NPHP1: variants seen among roughly 807,000 people sequenced by gnomAD.
The protein encoded by NPHP1 is nephrocystin 1, also known as nephrocystin-1.
NPHP1 carries 70 observed loss-of-function variants against 90.4 expected under a neutral mutation model. The ratio of observed to expected loss-of-function variants is 0.77; its 90% CI spans 0.64 to 0.95. The LOEUF (loss-of-function observed/expected upper bound fraction) is 0.95, where lower values mean the gene tolerates loss of function less well. Among genes scored for constraint, NPHP1 ranks in the 40% least tolerant of loss-of-function variants. The probability of loss-of-function intolerance (pLI) is 0.00; values close to 1 mark genes in which losing one functional copy is unlikely to be tolerated. For missense variants in NPHP1, 764 were observed against 795.9 expected, an observed-to-expected ratio of 0.96 and a Z score of 0.48; for synonymous variants, 256 against 271.7, an observed-to-expected ratio of 0.94 and a Z score of 0.57.
At position 110,204,973 on chromosome 2, in the gene NPHP1, C is replaced by G. The variant is rs1266690798; in HGVS notation, c.-5G>C. 1.2e-6 allele frequency: 2 copies of G among 1,613,934 alleles called. No homozygotes were observed. Among genetic ancestry groups the G allele is most frequent in the South Asian group, 2.2e-5 (2 of 91,074 alleles). On this transcript the variant is annotated 5_prime_UTR_variant, in exon 1 of 20. Coordinates refer to ENST00000445609, the MANE Select transcript of NPHP1 (RefSeq NM_001128178.3). ...TCGCTGTCGTCTCGCCAGCATCTCC[C>G]TGGCTGCGGTGCTCTGATTGCTCCA...
intron 14 of NPHP1, among the ~76,000 whole-genome samples, chr2:110,145,343 C>T (rs952179287): frequency 8.5e-5 from 13 of 152,116 alleles, no homozygotes; most frequent in African/African-American, 2.4e-4. Flanking sequence ...CAGGCTAGAG[C>T]GCAGTGGCAT....
chr2:110,198,365 T>C (rs903623384), intron 2 of NPHP1, among the ~76,000 whole-genome samples: 3 of 152,194 alleles, frequency 2.0e-5, no homozygotes, highest in Non-Finnish European at 4.4e-5. Flanking sequence ...TATTGTGTTA[T>C]ATTGTGTAAA....
chr2:110,178,105 A>G (rs1683632634), intron 4 of NPHP1: 1 of 391,566 alleles, frequency 2.6e-6, no homozygotes, highest in African/African-American at 2.1e-5. Flanking sequence ...ATTCCAAATC[A>G]TTTCCCTTTT....
chr2:110,148,807 C>G (rs139661181), intron 12 of NPHP1, among the ~76,000 whole-genome samples: 19 of 152,308 alleles, frequency 1.2e-4, no homozygotes, highest in African/African-American at 4.3e-4. Context: ...GCTCAACTTT[C>G]CTAATGTGTG....
At chr2:110,201,824 G>A (rs939692007) in intron 1 of NPHP1, among the ~76,000 whole-genome samples, 20 of 152,036 alleles carry the variant, frequency 1.3e-4, no homozygotes, top group African/African-American at 3.6e-4. Flanking sequence ...GCACAAATAC[G>A]AGGCATACAT....
intron 18 of NPHP1, 73 bp from the exon 19 acceptor site, chr2:110,125,754 C>T: frequency 8.2e-7 from 1 of 1,226,580 alleles, no homozygotes; most frequent in Admixed American, 1.7e-5. Flanking sequence ...CAAATTTACT[C>T]TGTAAATAAA....
intron 1 of NPHP1, among the ~76,000 whole-genome samples, chr2:110,204,230 G>A (rs1016518138): frequency 4.6e-5 from 7 of 152,140 alleles, no homozygotes; most frequent in African/African-American, 1.7e-4. Context: ...AGCAGTGAAT[G>A]TGCCTGCTTC....
chr2:110,165,230 C>T (rs1289370911), intron 6 of NPHP1, 75 bp from the exon 7 acceptor site: 6 of 1,093,972 alleles, frequency 5.5e-6, no homozygotes, highest in East Asian at 2.4e-5. Context: ...AGTACTGCCA[C>T]CTAACCCTCC....
At chr2:110,146,379 A>T (rs1029907428) in intron 14 of NPHP1, among the ~76,000 whole-genome samples, 3 of 152,114 alleles carry the variant, frequency 2.0e-5, no homozygotes, top group African/African-American at 7.2e-5. Flanking sequence ...CCACCTACAG[A>T]GGAAGGGTAG....
At chr2:110,194,333 C>T (rs1427982569) in intron 2 of NPHP1, among the ~76,000 whole-genome samples, 27 of 152,114 alleles carry the variant, frequency 1.8e-4, no homozygotes, top group South Asian at 2.1e-4. Context: ...ATATCACCAC[C>T]GATCCCACAG....
intron 2 of NPHP1, among the ~76,000 whole-genome samples, chr2:110,198,387 G>A (rs1685312852): frequency 6.6e-6 from 1 of 152,112 alleles, no homozygotes; most frequent in South Asian, 2.1e-4. Context: ...TAAATCATAT[G>A]CATACATCTA....
intron 6 of NPHP1, among the ~76,000 whole-genome samples, chr2:110,166,875 T>C (rs1053666794): frequency 6.6e-6 from 1 of 152,150 alleles, no homozygotes; most frequent in African/African-American, 2.4e-5. Context: ...AGACCTGCCC[T>C]ATGTAATACA....
At chr2:110,193,548 A>T (rs1684913965) in intron 2 of NPHP1, among the ~76,000 whole-genome samples, 3 of 152,070 alleles carry the variant, frequency 2.0e-5, no homozygotes, top group Non-Finnish European at 4.4e-5. Flanking sequence ...ACTCCCACAT[A>T]ATAATAATGG....
chr2:110,156,663 C>A (rs994753528), intron 11 of NPHP1, among the ~76,000 whole-genome samples: 2 of 152,092 alleles, frequency 1.3e-5, no homozygotes, highest in Non-Finnish European at 1.5e-5. Context: ...CAATTACCCT[C>A]TCTGGGTGGG....
intron 10 of NPHP1, among the ~76,000 whole-genome samples, chr2:110,161,064 G>A (rs115069018): frequency 0.01 from 1,564 of 152,158 alleles, 26 homozygotes; most frequent in African/African-American, 0.036. Flanking sequence ...TACTCAGGAA[G>A]CTGAAGTGGG....
intron 11 of NPHP1, among the ~76,000 whole-genome samples, chr2:110,158,311 C>A (rs1406465042): frequency 6.6e-6 from 1 of 152,000 alleles, no homozygotes; most frequent in Non-Finnish European, 1.5e-5. Flanking sequence ...TCAATCTAAT[C>A]CAGTTTGTTG....
At chr2:110,185,758 A>G (rs1276997910) in intron 2 of NPHP1, among the ~76,000 whole-genome samples, 1 of 152,138 alleles carries the variant, frequency 6.6e-6, no homozygotes, top group Non-Finnish European at 1.5e-5. Flanking sequence ...CAGAGACTGG[A>G]AAGTCAGGAG....
intron 2 of NPHP1, among the ~76,000 whole-genome samples, chr2:110,198,477 G>T (rs929084402): frequency 2.6e-5 from 4 of 152,134 alleles, no homozygotes; most frequent in African/African-American, 9.7e-5. Context: ...TACTGATTAC[G>T]TTTAGATTTA....
intron 16 of NPHP1, among the ~76,000 whole-genome samples, chr2:110,139,454 A>G (rs1221759101): frequency 2.6e-5 from 4 of 152,198 alleles, no homozygotes; most frequent in Non-Finnish European, 5.9e-5. Context: ...GGTCGCCATG[A>G]TCACAACCTA....
Sources: allele counts gnomAD v4.1 joint callset (sites outside exome capture counted in the v4.1 genomes callset), GRCh38; gene constraint gnomAD v4.1.1; transcripts MANE v1.5; gene names NCBI Gene and HGNC (gene_info 2026-07-23, HGNC 2026-07-21).